The following HOMER1 variants were observed in gnomAD, a reference collection of about 807,000 sequenced individuals.
The protein encoded by HOMER1 is homer scaffold protein 1.
Under a neutral mutation model 48.9 loss-of-function variants are expected in HOMER1, and 3 were observed. The observed-to-expected ratio is 0.06, with a 90% CI of 0.03 to 0.16. HOMER1 has a LOEUF of 0.16. Ranked by LOEUF, HOMER1 falls within the 10% of genes least tolerant of loss-of-function variation. The probability of loss-of-function intolerance (pLI) is 1.00; values close to 1 mark genes in which losing one functional copy is unlikely to be tolerated. For missense variants in HOMER1, 247 were observed against 411.4 expected (o/e 0.60, Z 3.46); for synonymous variants, 134 against 146.4 (o/e 0.92, Z 0.61).
At chr5:79,440,103 G>A (rs1385497881) in intron 4 of HOMER1, among the ~76,000 whole-genome samples, 1 of 151,882 alleles carries the variant, frequency 6.6e-6, no homozygotes, top group East Asian at 1.9e-4. Context: ...GTCCAACAGG[G>A]GAGTGGTTAG....
In HOMER1 at chr5:79,373,095, G is replaced by T. The variant is rs1412415638; in HGVS notation, c.*2914C>A. ...ACAAAAACTAATTTTCCAGGCAGGG[G>T]AATACTTATAAAACCTTTTATGTCA... On this transcript the variant is annotated 3_prime_UTR_variant, in exon 9 of 9. Coordinates refer to ENST00000334082, the MANE Select transcript of HOMER1 (RefSeq NM_004272.5). The T allele has an allele frequency of 6.6e-6, 1 of 151,960 alleles. No homozygotes were observed. Among genetic ancestry groups the T allele is most frequent in the Non-Finnish European group, 1.5e-5 (1 of 67,936 alleles). 9.4% of individuals were successfully genotyped at this position (151,960 alleles called of 1,614,324 possible). A position where few individuals can be genotyped will look rare whatever the true frequency, so the allele number is the denominator to read the frequency against.
intron 4 of HOMER1, 81 bp downstream of exon 4, chr5:79,446,972 T>G: frequency 1.1e-6 from 1 of 901,450 alleles, no homozygotes; most frequent in Non-Finnish European, 1.8e-6. Flanking sequence ...CTGTGTGTAC[T>G]TTGGAGATTT....
At chr5:79,442,079 C>G (rs766034613) in intron 4 of HOMER1, among the ~76,000 whole-genome samples, 3 of 151,320 alleles carry the variant, frequency 2.0e-5, no homozygotes, top group African/African-American at 7.3e-5. Flanking sequence ...GACTTTATAT[C>G]CTTGCTTTGA....
rs1349080228 is a variant in HOMER1 at position 79,379,115 on chromosome 5, A to ATATATATATAT, written c.877-2919_877-2918insATATATATATA. Among the ~76,000 whole-genome samples the ATATATATATAT allele has an allele frequency of 1.3e-3, 73 of 55,598 alleles. 4 individuals are homozygous for ATATATATATAT. The highest frequency in any genetic ancestry group is 3.3e-3 in the African/African-American group (46 of 13,986). The allele number at this position is 55,598 out of a possible 152,430, so 36.5% of individuals were successfully genotyped here. ...ATATATATATATATATATATATATA[A>ATATATATATAT]AATATATAAATATTTATTTATATAT... On this transcript the variant is annotated intron_variant, in intron 8 of 8. Transcript: ENST00000334082.
intron 5 of HOMER1, among the ~76,000 whole-genome samples, chr5:79,419,587 G>A (rs1325361257): frequency 6.6e-6 from 1 of 151,702 alleles, no homozygotes; most frequent in Admixed American, 6.6e-5. Context: ...ACATACTAAA[G>A]CCTTAGGAGA....
chr5:79,414,095 T>C (rs973633152), intron 5 of HOMER1, among the ~76,000 whole-genome samples: 1 of 151,964 alleles, frequency 6.6e-6, no homozygotes, highest in African/African-American at 2.4e-5. Context: ...TAAAAAAAAG[T>C]TTATTATTTT....
At chr5:79,484,727 C>T (rs4235713) in intron 1 of HOMER1, among the ~76,000 whole-genome samples, 93,202 of 152,012 alleles carry the variant, frequency 0.61, 31,849 homozygotes, top group East Asian at 0.99. Flanking sequence ...TCGCAAATAT[C>T]AATCATAAGG....
At chr5:79,485,077 TAAAAC>T (rs70975755) in intron 1 of HOMER1, among the ~76,000 whole-genome samples, 12,039 of 149,348 alleles carry the variant, frequency 0.081, 961 homozygotes, top group East Asian at 0.24. Flanking sequence ...GTGTCAAAAG[TAAAAC>T]AAAACAAAAC....
intron 8 of HOMER1, among the ~76,000 whole-genome samples, chr5:79,377,834 TACAG>T (rs778832529): frequency 2.0e-4 from 31 of 152,146 alleles, no homozygotes; most frequent in Non-Finnish European, 3.4e-4. Context: ...GTGTTGAAAT[TACAG>T]ACACTTTTTT....
chr5:79,442,778 G>T (rs752222817), intron 4 of HOMER1, among the ~76,000 whole-genome samples: 7 of 152,126 alleles, frequency 4.6e-5, no homozygotes, highest in Non-Finnish European at 8.8e-5. Context: ...GGAGCTAATA[G>T]TCTTGAGATC....
At chr5:79,410,489 CA>C (rs59290866) in intron 5 of HOMER1, among the ~76,000 whole-genome samples, 55,779 of 105,042 alleles carry the variant, frequency 0.53, 13,169 homozygotes, top group African/African-American at 0.73. Flanking sequence ...AACTCTATCT[CA>C]AAAAAAAAAA....
At position 79,396,896 on chromosome 5, in the gene HOMER1, T is replaced by C. The variant is rs1749400524; in HGVS notation, c.803A>G (p.Glu268Gly). 1 of 1,581,612 alleles carries C rather than the reference T, an allele frequency of 6.3e-7. No homozygotes were observed. The change falls in exon 8 of 9, where the codon GAA (glutamate) becomes GGA (glycine). Residue 268 changes from glutamate to glycine, a missense_variant. Glu to Gly is a moderately conservative substitution (Grantham distance 98). Around this residue, in one of 4 missense-constraint regions of HOMER1, gnomAD observed 113 missense variants for 152.5 expected, o/e 0.74. Coordinates refer to ENST00000334082, the MANE Select transcript of HOMER1 (RefSeq NM_004272.5). ...ATTATCAATTTCTTGTTTTAACCTT[T>C]CTATTTCCTAGAAAAGACAGAGCAA... ...ETLKLKEEEIERLKQEIDNAR... is the reference protein window; with the variant it reads ...ETLKLKEEEIGRLKQEIDNAR...
At chr5:79,385,166 CTT>C (rs1206538149) in intron 8 of HOMER1, among the ~76,000 whole-genome samples, 1 of 151,998 alleles carries the variant, frequency 6.6e-6, no homozygotes, top group African/African-American at 2.4e-5. Flanking sequence ...TAGAAGAAAA[CTT>C]TAAAAAAAAC....
intron 5 of HOMER1, among the ~76,000 whole-genome samples, chr5:79,419,187 G>A (rs571260381): frequency 1.3e-5 from 2 of 152,074 alleles, no homozygotes; most frequent in African/African-American, 4.8e-5. Flanking sequence ...TTGTAGAGAT[G>A]GATGACTGCA....
chr5:79,509,652 C>G (rs1292142876), intron 1 of HOMER1, among the ~76,000 whole-genome samples: 92 of 152,332 alleles, frequency 6.0e-4, no homozygotes, highest in Non-Finnish European at 9.4e-4. Flanking sequence ...ATTAACAGTT[C>G]ATGCAACATC....
chr5:79,506,475 C>A (rs1580048561), intron 1 of HOMER1, among the ~76,000 whole-genome samples: 1 of 152,232 alleles, frequency 6.6e-6, no homozygotes, highest in East Asian at 1.9e-4. Context: ...AACATAAGTT[C>A]ATCAATAAAG....
intron 1 of HOMER1, among the ~76,000 whole-genome samples, chr5:79,465,943 T>C (rs1311552438): frequency 6.6e-6 from 1 of 152,156 alleles, no homozygotes; most frequent in East Asian, 1.9e-4. Flanking sequence ...CTATAGGACA[T>C]GGTATTAGTT....
At chr5:79,406,913 C>T (rs970019085) in intron 5 of HOMER1, among the ~76,000 whole-genome samples, 1 of 132,344 alleles carries the variant, frequency 7.6e-6, no homozygotes, top group African/African-American at 3.5e-5. Context: ...AGGGTCTACC[C>T]AAGACTGAGG....
intron 1 of HOMER1, among the ~76,000 whole-genome samples, chr5:79,477,217 G>A (rs1019724887): frequency 5.9e-5 from 9 of 152,268 alleles, no homozygotes; most frequent in South Asian, 2.1e-4. Context: ...GTAATTTTTC[G>A]TATTTCTAGG....
Sources: allele counts gnomAD v4.1 joint callset (sites outside exome capture counted in the v4.1 genomes callset), GRCh38; gene constraint gnomAD v4.1.1; regional missense constraint gnomAD v4.1.1; transcripts MANE v1.5; gene names NCBI Gene and HGNC (gene_info 2026-07-23, HGNC 2026-07-21).